TOR1AIP1: variants seen among roughly 807,000 people sequenced by gnomAD.
The protein encoded by TOR1AIP1 is torsin-1A-interacting protein 1.
Under a neutral mutation model 63.3 loss-of-function variants are expected in TOR1AIP1, and 54 were observed. The ratio of observed to expected loss-of-function variants is 0.85; its 90% confidence interval spans 0.69 to 1.07. TOR1AIP1 has a LOEUF of 1.07. Among genes scored for constraint, TOR1AIP1 ranks in the 50% least tolerant of loss-of-function variants. The pLI, the probability that TOR1AIP1 is intolerant of heterozygous loss-of-function variation, is 0.00. For missense variants in TOR1AIP1, 736 were observed against 715.0 expected, an observed-to-expected ratio of 1.03 and a Z score of -0.33; for synonymous variants, 294 against 273.5, an observed-to-expected ratio of 1.07 and a Z score of -0.74.
At chr1:179,888,768 C>T (rs191292202) in intron 2 of TOR1AIP1, among the ~76,000 whole-genome samples, 4 of 152,252 alleles carry the variant, frequency 2.6e-5, no homozygotes, top group East Asian at 3.9e-4. Flanking sequence ...TTAATAGGAT[C>T]GGCTTCTCCG....
At chr1:179,912,519 A>C (rs932764944) in intron 8 of TOR1AIP1, among the ~76,000 whole-genome samples, 1 of 152,178 alleles carries the variant, frequency 6.6e-6, no homozygotes, top group African/African-American at 2.4e-5. Flanking sequence ...TTCATCATTA[A>C]CATCATAGAA....
intron 5 of TOR1AIP1, among the ~76,000 whole-genome samples, 154 bp downstream of exon 5, chr1:179,901,542 TG>T (rs1648465975): frequency 6.6e-6 from 1 of 152,214 alleles, no homozygotes. Flanking sequence ...ACTGATTTCG[TG>T]TTCATCCGAT....
Position 179,908,626 on chromosome 1 carries a change from C to G in TOR1AIP1, c.860C>G (p.Pro287Arg). 3.7e-6 allele frequency: 6 copies of G among 1,613,356 alleles called. No homozygotes were observed. Among genetic ancestry groups the G allele is most frequent in the Middle Eastern group, 1.7e-4 (1 of 6,060 alleles). ...SVLSSGYQKT[P>R]QEWAPQTARI... is the part of the protein sequence containing the mutation. Reference sequence around the variant, plus strand: ...TCAGGCTCAGGATATCAAAAAACTCCCCAGGAATGGGCCCCACAAACTGCA... The same window carrying G: ...TCAGGCTCAGGATATCAAAAAACTCGCCAGGAATGGGCCCCACAAACTGCA... The change falls in exon 8 of 10, where the codon CCC (proline) becomes CGC (arginine). Residue 287 changes from proline (P) to arginine (R), a missense_variant. By Grantham distance (103) the Pro-to-Arg change is moderately radical (BLOSUM62 -2). This residue lies in a region of TOR1AIP1 where 464 missense variants were observed against 371.0 expected (regional missense o/e 1.25). Coordinates refer to ENST00000606911, the MANE Select transcript of TOR1AIP1 (RefSeq NM_015602.4).
intron 8 of TOR1AIP1, 28 bp from the exon 9 acceptor site, chr1:179,913,970 A>G: frequency 1.9e-6 from 3 of 1,591,846 alleles, no homozygotes; most frequent in South Asian, 1.1e-5. Context: ...ATAAGTTGAT[A>G]GTCTTATTTT....
At chr1:179,902,732 G>A (rs1036142840) in intron 5 of TOR1AIP1, among the ~76,000 whole-genome samples, 1 of 152,078 alleles carries the variant, frequency 6.6e-6, no homozygotes, top group African/African-American at 2.4e-5. Flanking sequence ...TTTAACTTCT[G>A]TGTTCCTCAG....
intron 8 of TOR1AIP1, chr1:179,913,753 A>G (rs1648907274): frequency 1.5e-6 from 1 of 683,438 alleles, no homozygotes; most frequent in South Asian, 1.6e-5. Flanking sequence ...CTCAAAACTA[A>G]TTATTGTGTG....
intron 8 of TOR1AIP1, among the ~76,000 whole-genome samples, chr1:179,910,715 AATGC>A (rs1648807728): frequency 6.6e-6 from 1 of 152,202 alleles, no homozygotes; most frequent in Non-Finnish European, 1.5e-5. Context: ...TGGATGTAAA[AATGC>A]ATGAGTTTTA....
At chr1:179,892,343 G>A in intron 3 of TOR1AIP1, among the ~76,000 whole-genome samples, 1 of 19,056 alleles carries the variant, frequency 5.2e-5, no homozygotes, top group Admixed American at 6.7e-4. Flanking sequence ...TGGTGGTGCT[G>A]TGCACTGTAA....
Position 179,917,522 on chromosome 1 carries a change from T to G in TOR1AIP1, c.1035T>G (p.Ala345=), listed in dbSNP as rs762375729. The change falls in exon 10 of 10, where the codon GCT becomes GCG. Residue 345 remains alanine, a synonymous_variant. Coordinates refer to ENST00000606911, the MANE Select transcript of TOR1AIP1 (RefSeq NM_015602.4). ...GGTGGTGGCTACTTCCTCTGATAGCTGCTCTTGCCTCTGGGAGTTTTTGGT... is the reference window on the plus strand; with the variant it reads ...GGTGGTGGCTACTTCCTCTGATAGCGGCTCTTGCCTCTGGGAGTTTTTGGT... ...RNRWWLLPLI[A]ALASGSFWFF... is the part of the protein sequence containing the mutation. The G allele has an allele frequency of 1.9e-6, 3 of 1,614,112 alleles. No individual in the cohort carries two copies. The South Asian group carries it at 3.3e-5, about 18-fold the overall frequency.
chr1:179,884,317 T>G (rs1470098236), intron 1 of TOR1AIP1, among the ~76,000 whole-genome samples: 3 of 152,094 alleles, frequency 2.0e-5, no homozygotes, highest in Non-Finnish European at 4.4e-5. Context: ...TTATACAGGC[T>G]AACTTTTTTT....
chr1:179,907,678 T>C (rs1160278179), intron 6 of TOR1AIP1, 145 bp from the exon 7 acceptor site: 5 of 311,756 alleles, frequency 1.6e-5, no homozygotes, highest in Non-Finnish European at 2.9e-5. Flanking sequence ...CTTTATATAT[T>C]TATATGCTTG....
intron 2 of TOR1AIP1, among the ~76,000 whole-genome samples, chr1:179,887,334 G>A (rs373794402): frequency 6.6e-6 from 1 of 152,110 alleles, no homozygotes; most frequent in African/African-American, 2.4e-5. Context: ...GGGAGGCGGA[G>A]GTTGCAGTGA....
At chr1:179,887,990 CT>C (rs1412891174) in intron 2 of TOR1AIP1, 2 of 152,174 alleles carry the variant, frequency 1.3e-5, no homozygotes, top group Non-Finnish European at 2.9e-5. Context: ...TCATACCTCT[CT>C]CTGGTACCCT....
In TOR1AIP1 at chr1:179,882,994, T is replaced by TA; in HGVS notation, c.475+19dup. ...CCTCTGAAGGTGAGGACCGCGGAGG[T>TA]AACAGTCCCAGCCGCGAGCCAGGGA... On this transcript the variant is annotated intron_variant, in intron 1 of 9. Transcript: ENST00000606911. The TA allele has an allele frequency of 6.3e-7, 1 of 1,596,740 alleles. No homozygotes were observed. The highest frequency in any genetic ancestry group is 8.5e-7 in the Non-Finnish European group (1 of 1,172,526).
chr1:179,890,554 C>G (rs897714431), intron 3 of TOR1AIP1, among the ~76,000 whole-genome samples: 7 of 152,120 alleles, frequency 4.6e-5, no homozygotes, highest in African/African-American at 1.7e-4. Flanking sequence ...ATTCGACATA[C>G]AAAACAAATA....
In TOR1AIP1 at chr1:179,917,987, C is replaced by T. The variant is rs1032434748; in HGVS notation, c.1500C>T (p.Asn500=). The T allele has an allele frequency of 5.0e-6, 8 of 1,614,070 alleles. No homozygotes were observed. Among genetic ancestry groups the T allele is most frequent in the South Asian group, 3.3e-5 (3 of 91,092 alleles). Residue 500 remains asparagine (N), a synonymous_variant, in exon 10 of 10, where the codon AAC becomes AAT. Transcript: ENST00000606911. ...TCTACAAATATTGTGACCATGAAAA[C>T]GCGGCCTTCAAAGATGTAGCCTTAG... ...LIFYKYCDHE[N]AAFKDVALVL...
rs1649089293 is a variant in TOR1AIP1 at position 179,918,275 on chromosome 1, T to C, written c.*36T>C. On this transcript the variant is annotated 3_prime_UTR_variant, in exon 10 of 10. Coordinates refer to ENST00000606911, the MANE Select transcript of TOR1AIP1 (RefSeq NM_015602.4). ...AGAAGAAAAATCATGTCCCAAGTTC[T>C]GAGAATTGTTCACACTTTCTAACCA... The C allele has an allele frequency of 6.5e-7, 1 of 1,535,864 alleles. No homozygotes were observed.
rs1488174964 is a variant in TOR1AIP1, at chr1:179,919,685, A to G, written c.*1446A>G. On this transcript the variant is annotated 3_prime_UTR_variant, in exon 10 of 10. Coordinates refer to ENST00000606911, the MANE Select transcript of TOR1AIP1 (RefSeq NM_015602.4). ...TTTTTTATTGTCTACAAACCATTAA[A>G]TGTAAATATTGTTTTTAGAGTCAGT... 1.3e-5 allele frequency: 2 copies of G among 152,218 alleles called. No homozygotes were observed. The highest frequency in any genetic ancestry group is 4.8e-5 in the African/African-American group (2 of 41,456). 9.4% of individuals were successfully genotyped at this position (152,218 alleles called of 1,614,324 possible).
Position 179,917,967 on chromosome 1 carries a change from A to C in TOR1AIP1, c.1480A>C (p.Lys494Gln). Residue 494 changes from lysine to glutamine, a missense_variant, in exon 10 of 10, where the codon AAA becomes CAA. Physicochemically the swap from Lys to Gln is moderately conservative, Grantham distance 53. This residue lies in a region of TOR1AIP1 where 272 missense variants were observed against 344.1 expected (regional missense o/e 0.79). Coordinates refer to ENST00000606911, the MANE Select transcript of TOR1AIP1 (RefSeq NM_015602.4). ...FPAGSTLIFYKYCDHENAAFK... is the reference protein window; with the variant it reads ...FPAGSTLIFYQYCDHENAAFK... ...CGCAGGCTCTACTTTGATCTTCTAC[A>C]AATATTGTGACCATGAAAACGCGGC... 1 of 1,614,242 alleles carries C rather than the reference A, an allele frequency of 6.2e-7. No individual in the cohort carries two copies. Among genetic ancestry groups the C allele is most frequent in the Non-Finnish European group, 8.5e-7 (1 of 1,180,042 alleles).
Sources: gnomAD v4.1 joint callset for allele counts (sites outside exome capture counted in the v4.1 genomes callset) on GRCh38, gnomAD v4.1.1 for gene constraint, gnomAD v4.1.1 regional missense constraint, MANE v1.5 for transcripts, NCBI Gene and HGNC (gene_info 2026-07-23, HGNC 2026-07-21) for gene names.